AFF3: variants seen among roughly 807,000 people sequenced by gnomAD.
The protein encoded by AFF3 is ALF transcription elongation factor 3, also known as AF4/FMR2 family member 3.
A neutral mutation model predicts 129.7 loss-of-function variants in AFF3; 32 were observed. That is an observed-to-expected ratio of 0.25 (90% CI 0.19 to 0.33). The LOEUF is 0.33. Ranked by LOEUF, AFF3 falls within the 10% of genes least tolerant of loss-of-function variation. The pLI is 1.00. For missense variants in AFF3, 1,373 were observed against 1,592.0 expected (o/e 0.86, Z 2.34); for synonymous variants, 644 against 635.4 (o/e 1.01, Z -0.20).
intron 7 of AFF3, among the ~76,000 whole-genome samples, chr2:99,855,364 T>C (rs1042479445): frequency 1.3e-5 from 2 of 152,134 alleles, no homozygotes; most frequent in African/African-American, 4.8e-5. Context: ...GAATACACAG[T>C]CTGGAAGAAA....
rs772110262 is a variant in AFF3 at position 100,007,301 on chromosome 2, A to C, written c.334T>G (p.Phe112Val). The change falls in exon 6 of 25, where the codon TTT becomes GTT. Residue 112 changes from phenylalanine (F) to valine (V), a missense_variant. Transcript: ENST00000672756. ...TTCTGGGCTCTTGAATCTGCAACAA[A>C]ATGTTCATCGATCTTGTTCACAGGA... is the stretch of plus-strand genomic sequence containing the variant. Reference protein sequence around the residue: ...QTPVNKIDEHFVADSRAQNQP... With the variant: ...QTPVNKIDEHVVADSRAQNQP... 6.2e-7 allele frequency: 1 copy of C among 1,614,060 alleles called. No individual in the cohort carries two copies. Among genetic ancestry groups the C allele is most frequent in the South Asian group, 1.1e-5 (1 of 91,056 alleles).
chr2:99,787,428 G>A (rs1463425154), intron 8 of AFF3, among the ~76,000 whole-genome samples: 3 of 152,116 alleles, frequency 2.0e-5, no homozygotes, highest in South Asian at 2.1e-4. Flanking sequence ...CAGTGTGAGC[G>A]CTGTATTTTG....
chr2:99,601,633 C>T lies in AFF3; in HGVS notation c.1185-12G>A, dbSNP rs761038662. On this transcript the variant is annotated splice_polypyrimidine_tract_variant and intron_variant, in intron 13 of 24. Transcript: ENST00000672756. ...GCTGGACCACGGCGCTGCCAGCCCG[C>T]GAGGCCCCCGGGAAGCAGAGGGAAG... The T allele has an allele frequency of 4.8e-5, 76 of 1,585,010 alleles. No homozygotes were observed. Among genetic ancestry groups the T allele is most frequent in the Non-Finnish European group, 6.1e-5 (71 of 1,171,626 alleles).
In AFF3 at chr2:99,762,227, C is replaced by T. The variant is rs564953876; in HGVS notation, c.922-9926G>A. Among the ~76,000 whole-genome samples, 377 of 151,762 alleles carry T rather than the reference C, an allele frequency of 2.5e-3. 1 individual carries two copies. The highest frequency in any genetic ancestry group is 3.6e-3 in the Non-Finnish European group (246 of 67,952). On this transcript the variant is annotated intron_variant, in intron 8 of 24. Transcript: ENST00000672756. ...GCAACCTCTGCCTCCCCTGTTCAAG[C>T]GATTCTCCCGCCTCAGCCTCCTGAG...
chr2:99,895,198 C>T (rs6719132), intron 7 of AFF3, among the ~76,000 whole-genome samples: 7,675 of 152,298 alleles, frequency 0.05, 671 homozygotes, highest in African/African-American at 0.18. Flanking sequence ...GAGCAAGGAA[C>T]ATCAAGCTCG....
chr2:100,142,153 AAT>A (rs2105623146), intron 1 of AFF3, among the ~76,000 whole-genome samples: 1 of 152,174 alleles, frequency 6.6e-6, no homozygotes, highest in African/African-American at 2.4e-5. Context: ...CAGCATCATA[AAT>A]ATGTGTGTGA....
chr2:100,105,309 CG>C, intron 3 of AFF3, 194 bp downstream of exon 3: 1 of 1,195,456 alleles, frequency 8.4e-7, no homozygotes, highest in Non-Finnish European at 1.1e-6. Context: ...TGAGCTGTGC[CG>C]CCCGCAGCAG....
chr2:99,928,280 A>G (rs1256963409), intron 7 of AFF3, among the ~76,000 whole-genome samples: 1 of 152,224 alleles, frequency 6.6e-6, no homozygotes, highest in African/African-American at 2.4e-5. Context: ...TTAAGACTAA[A>G]TAACTTCATG....
chr2:100,008,528 C>T (rs1016196748), intron 5 of AFF3, among the ~76,000 whole-genome samples: 8 of 152,116 alleles, frequency 5.3e-5, no homozygotes, highest in African/African-American at 1.4e-4. Flanking sequence ...AATATGTCAA[C>T]GCGGAGATGA....
intron 4 of AFF3, among the ~76,000 whole-genome samples, chr2:100,061,863 G>GC (rs1342612892): frequency 3.3e-5 from 5 of 150,400 alleles, no homozygotes; most frequent in South Asian, 2.1e-4. Flanking sequence ...GTGGAGGGGG[G>GC]GGGGGTGCCG....
At chr2:99,999,352 C>A (rs1427054501) in intron 7 of AFF3, among the ~76,000 whole-genome samples, 2 of 152,208 alleles carry the variant, frequency 1.3e-5, no homozygotes, top group Non-Finnish European at 2.9e-5. Context: ...ACGGGAAGGC[C>A]CAGGATTGGT....
At chr2:99,584,685 G>A (rs961891777) in intron 16 of AFF3, among the ~76,000 whole-genome samples, 5 of 152,106 alleles carry the variant, frequency 3.3e-5, no homozygotes, top group Non-Finnish European at 5.9e-5. Context: ...AGTATTGTTT[G>A]GGGAAGACAG....
intron 7 of AFF3, among the ~76,000 whole-genome samples, chr2:99,891,664 A>G (rs1693562425): frequency 6.6e-6 from 1 of 152,204 alleles, no homozygotes; most frequent in Non-Finnish European, 1.5e-5. Context: ...GCAAGCAGAC[A>G]TAACCTCACT....
chr2:99,652,511 G>A (rs956159949), intron 12 of AFF3, among the ~76,000 whole-genome samples: 1 of 152,176 alleles, frequency 6.6e-6, no homozygotes, highest in Admixed American at 6.5e-5. Context: ...AAGAAGGGCT[G>A]TAGGGAACAT....
At chr2:99,901,109 G>A (rs548730665) in intron 7 of AFF3, among the ~76,000 whole-genome samples, 82 of 152,314 alleles carry the variant, frequency 5.4e-4, no homozygotes, top group Non-Finnish European at 3.7e-4. Context: ...GGCTATGAAC[G>A]CATTGCAAAA....
At chr2:99,879,289 A>C (rs906849777) in intron 7 of AFF3, among the ~76,000 whole-genome samples, 2 of 152,122 alleles carry the variant, frequency 1.3e-5, no homozygotes, top group African/African-American at 4.8e-5. Context: ...CTGAACTTCT[A>C]TGTTTATACC....
intron 7 of AFF3, among the ~76,000 whole-genome samples, chr2:99,984,446 C>T (rs1006968483): frequency 3.3e-5 from 5 of 152,092 alleles, no homozygotes; most frequent in Admixed American, 6.5e-5. Flanking sequence ...AATATAGTCC[C>T]CTTCTGTGGC....
At chr2:99,771,428 A>C (rs80273301) in intron 8 of AFF3, among the ~76,000 whole-genome samples, 1 of 141,948 alleles carries the variant, frequency 7.0e-6, no homozygotes, top group South Asian at 2.3e-4. Flanking sequence ...AAAAAAAAAA[A>C]CCAGAGCAAT....
At chr2:99,635,153 GTATATGATATATACACATATCTCTA>G (rs1683524365) in intron 13 of AFF3, among the ~76,000 whole-genome samples, 2 of 147,332 alleles carry the variant, frequency 1.4e-5, no homozygotes, top group African/African-American at 5.0e-5. Context: ...ATATCTCTAG[GTATATGATATATACACATATCTCTA>G]TATATGATAT....
Sources: gnomAD v4.1 joint callset for allele counts (sites outside exome capture counted in the v4.1 genomes callset) on GRCh38, gnomAD v4.1.1 for gene constraint, MANE v1.5 for transcripts, NCBI Gene and HGNC (gene_info 2026-07-23, HGNC 2026-07-21) for gene names.